Variants in AAK1 observed in about 807,000 individuals in gnomAD.
The protein encoded by AAK1 is AP2-associated protein kinase 1.
Under a neutral mutation model 116.0 loss-of-function variants are expected in AAK1, and 37 were observed. That is an observed-to-expected ratio of 0.32 (90% CI 0.25 to 0.42). The LOEUF (loss-of-function observed/expected upper bound fraction) is 0.42. Ranked by LOEUF, AAK1 falls within the 10% of genes least tolerant of loss-of-function variation. AAK1 has a pLI of 1.00. For missense variants in AAK1, 919 were observed against 1,170.6 expected (o/e 0.79, Z 3.14); for synonymous variants, 458 against 439.9 (o/e 1.04, Z -0.51).
At chr2:69,600,899 C>A (rs4852290) in intron 2 of AAK1, among the ~76,000 whole-genome samples, 19,785 of 152,140 alleles carry the variant, frequency 0.13, 3,047 homozygotes, top group African/African-American at 0.35. Context: ...AGCAACCACC[C>A]CCCTGGTCAG....
intron 2 of AAK1, among the ~76,000 whole-genome samples, chr2:69,582,896 C>G (rs951314420): frequency 1.8e-4 from 27 of 152,176 alleles, no homozygotes; most frequent in African/African-American, 6.0e-4. Flanking sequence ...GTTAAGACAC[C>G]AGTGAGAGCC....
At position 69,509,808 on chromosome 2, in the gene AAK1, C is replaced by G. The variant is rs534675837; in HGVS notation, c.1777-348G>C. Among the ~76,000 whole-genome samples, 6 of 152,170 alleles carry G rather than the reference C, an allele frequency of 3.9e-5. No homozygotes were observed. In the South Asian group the frequency reaches 1.0e-3, roughly 26 times the overall value. On this transcript the variant is annotated intron_variant, in intron 13 of 21. Transcript: ENST00000409085. ...AGATCTAGAATTTATCATAAAGGAC[C>G]ACTTTCTATTTCTGGAGTCACATAC...
intron 2 of AAK1, among the ~76,000 whole-genome samples, chr2:69,614,195 A>C (rs1008121140): frequency 2.5e-4 from 38 of 152,220 alleles, no homozygotes; most frequent in Non-Finnish European, 2.9e-5. Flanking sequence ...TAAAATGCCT[A>C]CTTCTGTTTC....
chr2:69,584,220 T>C (rs937932301), intron 2 of AAK1, among the ~76,000 whole-genome samples: 1 of 152,098 alleles, frequency 6.6e-6, no homozygotes, highest in Non-Finnish European at 1.5e-5. Context: ...AAAAACACAA[T>C]CAGGGAATCC....
chr2:69,614,720 T>G (rs186562328), intron 2 of AAK1, among the ~76,000 whole-genome samples: 71 of 152,244 alleles, frequency 4.7e-4, no homozygotes, highest in African/African-American at 1.7e-3. Flanking sequence ...AATTGAAAGA[T>G]CTCAAGATGG....
chr2:69,509,574 G>T, intron 13 of AAK1, 114 bp from the exon 14 acceptor site: 1 of 841,402 alleles, frequency 1.2e-6, no homozygotes, highest in Non-Finnish European at 1.8e-6. Flanking sequence ...GCACTAACAT[G>T]AAACTCACAT....
intron 2 of AAK1, among the ~76,000 whole-genome samples, chr2:69,622,340 T>C (rs1257706917): frequency 7.2e-6 from 1 of 138,862 alleles, no homozygotes; most frequent in African/African-American, 2.6e-5. Flanking sequence ...GGTGGGCTCC[T>C]GCGCAGCCGG....
rs1483843832 is a variant in AAK1, at chr2:69,507,535, G to T, written c.2050C>A (p.Gln684Lys). ...CCTTCTGAAGGATTATAAACGTTTTGTTGAGAGGTCCGAGGAGAGCCTGAT... is the reference window on the plus strand; with the variant it reads ...CCTTCTGAAGGATTATAAACGTTTTTTTGAGAGGTCCGAGGAGAGCCTGAT... ...TPSGSPRTSQ[Q>K]NVYNPSEGST... The change falls in exon 15 of 22, where the codon CAA (glutamine) becomes AAA (lysine). Residue 684 changes from glutamine to lysine, a missense_variant. This residue lies in a region of AAK1 where 125 missense variants were observed against 184.1 expected (regional missense o/e 0.68). Transcript: ENST00000409085. 1.7e-5 allele frequency: 27 copies of T among 1,612,326 alleles called. No individual in the cohort carries two copies. The highest frequency in any genetic ancestry group is 2.0e-5 in the Non-Finnish European group (24 of 1,179,226).
At chr2:69,495,178 G>C (rs1333811718) in intron 17 of AAK1, among the ~76,000 whole-genome samples, 1 of 152,160 alleles carries the variant, frequency 6.6e-6, no homozygotes, top group Non-Finnish European at 1.5e-5. Context: ...ACAGATAAGA[G>C]AAAGGGCGGC....
In AAK1 at chr2:69,532,098, T is replaced by C. The variant is rs1399012451; in HGVS notation, c.599A>G (p.Asn200Ser). 6 of 1,613,640 alleles carry C rather than the reference T, an allele frequency of 3.7e-6. No homozygotes were observed. Among genetic ancestry groups the C allele is most frequent in the Non-Finnish European group, 5.1e-6 (6 of 1,179,694 alleles). Reference protein sequence around the residue: ...YVLCDFGSATNKFQNPQTEGV... With the variant: ...YVLCDFGSATSKFQNPQTEGV... Reference sequence around the variant, plus strand: ...CTCAGTTTGTGGATTCTGGAATTTGTTGGTGGCGCTTCCAAAGTCACACAG... The same window carrying C: ...CTCAGTTTGTGGATTCTGGAATTTGCTGGTGGCGCTTCCAAAGTCACACAG... The change falls in exon 6 of 22, where the codon AAC (asparagine) becomes AGC (serine). Residue 200 changes from asparagine to serine, a missense_variant. By Grantham distance (46) the Asn-to-Ser change is conservative (BLOSUM62 1). Transcript: ENST00000409085.
chr2:69,601,997 T>G (rs565481347), intron 2 of AAK1, among the ~76,000 whole-genome samples: 1 of 152,334 alleles, frequency 6.6e-6, no homozygotes, highest in South Asian at 2.1e-4. Flanking sequence ...CTTGTTATGA[T>G]GCACCTAGAA....
At chr2:69,548,071 T>C (rs937862530) in intron 3 of AAK1, among the ~76,000 whole-genome samples, 1 of 152,180 alleles carries the variant, frequency 6.6e-6, no homozygotes, top group Non-Finnish European at 1.5e-5. Context: ...TGAGTGGTTA[T>C]CAGGGGCTGT....
rs916639909 is a variant in AAK1, at chr2:69,474,522, G to T, written c.*1347C>A. The T allele has an allele frequency of 1.8e-5, 18 of 984,628 alleles. No individual in the cohort carries two copies. The highest frequency in any genetic ancestry group is 2.0e-5 in the Non-Finnish European group (17 of 829,372). The allele number at this position is 984,628 out of a possible 1,614,324, so 61.0% of individuals were successfully genotyped here. ...TGAACAATATCCTAAAGTTAATAAA[G>T]AACTATGCTTTATTATTTTTTTTTA... is the stretch of plus-strand genomic sequence containing the variant. On this transcript the variant is annotated 3_prime_UTR_variant, in exon 22 of 22. Coordinates refer to ENST00000409085, the MANE Select transcript of AAK1 (RefSeq NM_014911.5).
chr2:69,525,341 T>C (rs560051543), intron 9 of AAK1, among the ~76,000 whole-genome samples: 1 of 151,834 alleles, frequency 6.6e-6, no homozygotes, highest in Non-Finnish European at 1.5e-5. Context: ...GAGGAGAGAG[T>C]AGCTTGTGTG....
intron 15 of AAK1, 44 bp downstream of exon 15, chr2:69,507,377 G>GA (rs1558919257): frequency 1.3e-6 from 2 of 1,591,904 alleles, no homozygotes; most frequent in Middle Eastern, 1.7e-4. Flanking sequence ...TTAGCACAGA[G>GA]AATCTATAAT....
intron 5 of AAK1, 76 bp downstream of exon 5, chr2:69,542,445 CCA>C: frequency 1.3e-6 from 2 of 1,540,596 alleles, no homozygotes; most frequent in South Asian, 2.4e-5. Flanking sequence ...TCTCATATCC[CCA>C]CAGTATCTAC....
intron 5 of AAK1, among the ~76,000 whole-genome samples, chr2:69,540,406 C>T (rs1670658659): frequency 6.6e-6 from 1 of 152,166 alleles, no homozygotes. Context: ...TAGGCATGAG[C>T]CACCACGCCC....
At chr2:69,541,389 C>G (rs754408949) in intron 5 of AAK1, among the ~76,000 whole-genome samples, 1 of 151,930 alleles carries the variant, frequency 6.6e-6, no homozygotes, top group African/African-American at 2.4e-5. Context: ...CGCTACTACA[C>G]CCGGCTAATT....
chr2:69,579,656 T>G (rs1672462192), intron 2 of AAK1, among the ~76,000 whole-genome samples: 1 of 152,216 alleles, frequency 6.6e-6, no homozygotes, highest in African/African-American at 2.4e-5. Flanking sequence ...TGCTCAGTAT[T>G]TCCCCTACAT....
Sources: gnomAD v4.1 joint callset for allele counts (sites outside exome capture counted in the v4.1 genomes callset) on GRCh38, gnomAD v4.1.1 for gene constraint, gnomAD v4.1.1 regional missense constraint, MANE v1.5 for transcripts, NCBI Gene and HGNC (gene_info 2026-07-23, HGNC 2026-07-21) for gene names.